CDH12: variants seen among roughly 807,000 people sequenced by gnomAD.
CDH12 encodes the protein cadherin 12.
CDH12 carries 41 observed loss-of-function variants against 74.1 expected under a neutral mutation model. The ratio of observed to expected loss-of-function variants is 0.55; its 90% CI spans 0.43 to 0.72. The LOEUF is 0.72. Among genes scored for constraint, CDH12 ranks in the 30% least tolerant of loss-of-function variants. The pLI is 0.00. For missense variants in CDH12, 945 were observed against 977.2 expected, an observed-to-expected ratio of 0.97 and a Z score of 0.44; for synonymous variants, 399 against 355.0, an observed-to-expected ratio of 1.12 and a Z score of -1.39.
intron 3 of CDH12, among the ~76,000 whole-genome samples, chr5:22,389,249 T>C (rs751073336): frequency 1.3e-4 from 20 of 152,170 alleles, no homozygotes; most frequent in Non-Finnish European, 2.6e-4. Flanking sequence ...TAAAAGCTAA[T>C]TTATTATAGA....
At chr5:21,960,695 A>T (rs1756317354) in intron 6 of CDH12, among the ~76,000 whole-genome samples, 1 of 151,928 alleles carries the variant, frequency 6.6e-6, no homozygotes, top group Admixed American at 6.5e-5. Context: ...TATACAAATG[A>T]CTTATACACA....
chr5:21,975,041 T>C, intron 6 of CDH12, 50 bp downstream of exon 6: 3 of 1,134,768 alleles, frequency 2.6e-6, no homozygotes, highest in Middle Eastern at 3.0e-4. Context: ...AAAAAGTCAA[T>C]GTTGAAGAGG....
chr5:21,899,837 T>C (rs956179679), intron 6 of CDH12, among the ~76,000 whole-genome samples: 4 of 151,926 alleles, frequency 2.6e-5, no homozygotes, highest in South Asian at 4.2e-4. Flanking sequence ...GTGTTTATTA[T>C]ATAATTTTAA....
At chr5:22,135,134 G>A (rs1453667275) in intron 4 of CDH12, among the ~76,000 whole-genome samples, 1 of 151,120 alleles carries the variant, frequency 6.6e-6, no homozygotes, top group Admixed American at 6.6e-5. Context: ...AGAGCAACTT[G>A]GAGACTATAA....
intron 5 of CDH12, among the ~76,000 whole-genome samples, chr5:22,030,180 G>T (rs552642697): frequency 2.2e-3 from 328 of 151,402 alleles, no homozygotes; most frequent in Non-Finnish European, 3.5e-3. Flanking sequence ...TGAGTTAATG[G>T]GTGCAACACA....
At chr5:22,297,546 C>T (rs1330476820) in intron 3 of CDH12, among the ~76,000 whole-genome samples, 1 of 152,156 alleles carries the variant, frequency 6.6e-6, no homozygotes, top group East Asian at 1.9e-4. Context: ...AACTATTTTA[C>T]AATGACATAT....
intron 6 of CDH12, among the ~76,000 whole-genome samples, chr5:21,921,572 C>T (rs1236736254): frequency 6.6e-6 from 1 of 152,072 alleles, no homozygotes; most frequent in East Asian, 1.9e-4. Context: ...TTTTTGAATT[C>T]ATGAAAGCAA....
At chr5:22,363,236 G>C (rs897689139) in intron 3 of CDH12, among the ~76,000 whole-genome samples, 1 of 152,006 alleles carries the variant, frequency 6.6e-6, no homozygotes, top group Non-Finnish European at 1.5e-5. Context: ...AATAAATAAT[G>C]ATAATGTCAT....
At chr5:22,192,815 C>G (rs1750385206) in intron 4 of CDH12, among the ~76,000 whole-genome samples, 1 of 152,148 alleles carries the variant, frequency 6.6e-6, no homozygotes, top group African/African-American at 2.4e-5. Flanking sequence ...TGAAACAGAA[C>G]ACAGCTGGGG....
At chr5:21,775,198 A>C (rs1232492688) in intron 11 of CDH12, among the ~76,000 whole-genome samples, 1 of 152,226 alleles carries the variant, frequency 6.6e-6, no homozygotes, top group Non-Finnish European at 1.5e-5. Context: ...GGCCAAATTA[A>C]GGAGAATATT....
intron 1 of CDH12, among the ~76,000 whole-genome samples, chr5:22,631,292 C>T (rs1472024045): frequency 2.0e-5 from 3 of 152,096 alleles, no homozygotes; most frequent in African/African-American, 7.2e-5. Flanking sequence ...TGGGTATATA[C>T]CCAAAGGAAG....
At chr5:21,961,707 G>T (rs965852302) in intron 6 of CDH12, among the ~76,000 whole-genome samples, 1 of 152,136 alleles carries the variant, frequency 6.6e-6, no homozygotes, top group African/African-American at 2.4e-5. Context: ...CCATCTAAAA[G>T]CCACGGAGAG....
intron 1 of CDH12, among the ~76,000 whole-genome samples, chr5:22,656,208 G>A (rs979506699): frequency 6.6e-6 from 1 of 151,996 alleles, no homozygotes; most frequent in Admixed American, 6.6e-5. Flanking sequence ...TAATCAAATT[G>A]TTACATTTTA....
chr5:22,643,330 C>T (rs901977170), intron 1 of CDH12, among the ~76,000 whole-genome samples: 1 of 152,054 alleles, frequency 6.6e-6, no homozygotes, highest in African/African-American at 2.4e-5. Context: ...AACTGAGCTC[C>T]TGAAATTTGT....
At chr5:21,774,450 C>G (rs1346305498) in intron 11 of CDH12, 1 of 152,262 alleles carries the variant, frequency 6.6e-6, no homozygotes, top group African/African-American at 2.4e-5. Context: ...GGGACTCCGA[C>G]TGGCTTCCTG....
intron 3 of CDH12, among the ~76,000 whole-genome samples, chr5:22,225,061 A>G (rs1028665219): frequency 1.3e-5 from 2 of 152,012 alleles, no homozygotes; most frequent in Non-Finnish European, 2.9e-5. Flanking sequence ...GGGTTGAAAT[A>G]ATGCCATAAT....
intron 3 of CDH12, among the ~76,000 whole-genome samples, chr5:22,272,395 C>T (rs1175558311): frequency 6.6e-6 from 1 of 152,190 alleles, no homozygotes; most frequent in Non-Finnish European, 1.5e-5. Flanking sequence ...ACTCAAACTT[C>T]CTCCCTATCA....
At chr5:21,850,188 A>G (rs1012664363) in intron 7 of CDH12, among the ~76,000 whole-genome samples, 1 of 151,594 alleles carries the variant, frequency 6.6e-6, no homozygotes, top group African/African-American at 2.4e-5. Flanking sequence ...AGGATACAAA[A>G]TAGCAAAAAT....
intron 2 of CDH12, among the ~76,000 whole-genome samples, chr5:22,474,343 G>A (rs1746084553): frequency 6.6e-6 from 1 of 152,264 alleles, no homozygotes; most frequent in Middle Eastern, 3.4e-3. Flanking sequence ...GACACATGAT[G>A]TCAGGGGAGT....
Sources: gnomAD v4.1 joint callset for allele counts (sites outside exome capture counted in the v4.1 genomes callset) on GRCh38, gnomAD v4.1.1 for gene constraint, MANE v1.5 for transcripts, NCBI Gene and HGNC (gene_info 2026-07-23, HGNC 2026-07-21) for gene names.